ADRM1: variants seen among roughly 807,000 people sequenced by gnomAD.
ADRM1 encodes proteasomal ubiquitin receptor ADRM1.
In ADRM1, 2 loss-of-function variants were observed where a neutral mutation model predicts 40.1. That is an observed-to-expected ratio of 0.05 (90% CI 0.02 to 0.16). The LOEUF (loss-of-function observed/expected upper bound fraction) is 0.16, where lower values mean the gene tolerates loss of function less well. Ranked by LOEUF, ADRM1 falls within the 10% of genes least tolerant of loss-of-function variation. The probability of loss-of-function intolerance (pLI) is 1.00; values close to 1 mark genes in which losing one functional copy is unlikely to be tolerated. For missense variants in ADRM1, 467 were observed against 552.5 expected (o/e 0.85, Z 1.55); for synonymous variants, 287 against 240.4 (o/e 1.19, Z -1.79).
At chr20:62,304,948 G>A (rs536037264) in intron 3 of ADRM1, among the ~76,000 whole-genome samples, 97 of 152,332 alleles carry the variant, frequency 6.4e-4, no homozygotes, top group Non-Finnish European at 9.1e-4. Context: ...TCACAGAAAC[G>A]AAGCATCCTG....
intron 7 of ADRM1, 73 bp from the exon 8 acceptor site, chr20:62,307,948 G>GT (rs1985376857): frequency 2.2e-5 from 35 of 1,563,744 alleles, no homozygotes; most frequent in Non-Finnish European, 2.9e-5. Flanking sequence ...CATGGGCTGA[G>GT]TCCCTGCTTG....
chr20:62,303,059 T>A lies in ADRM1; in HGVS notation c.-2+10T>A, dbSNP rs1984333225. On this transcript the variant is annotated intron_variant, in intron 1 of 9. Coordinates refer to ENST00000253003, the MANE Select transcript of ADRM1 (RefSeq NM_007002.4). The stretch of plus-strand genomic sequence containing the variant: ...TGTGGGCGCGAGGCAGGTGCGGGAG[T>A]CGCCGGGCCTGGGGCGGCCGGGGGC... 6.8e-6 allele frequency: 1 copy of A among 147,708 alleles called. No individual in the cohort carries two copies. The highest frequency in any genetic ancestry group is 2.5e-5 in the African/African-American group (1 of 39,428). 9.1% of individuals were successfully genotyped at this position (147,708 alleles called of 1,614,324 possible). A position where few individuals can be genotyped will look rare whatever the true frequency, so the allele number is the denominator to read the frequency against.
Position 62,308,372 on chromosome 20 carries a change from T to TG in ADRM1, c.1022dup (p.Met342HisfsTer?). 6.2e-7 allele frequency: 1 copy of TG among 1,601,344 alleles called. No homozygotes were observed. The highest frequency in any genetic ancestry group is 8.5e-7 in the Non-Finnish European group (1 of 1,175,616). On this transcript the variant is annotated frameshift_variant, in exon 9 of 10. Transcript: ENST00000253003. LOFTEE classifies it high-confidence loss of function. ...CTCGCCTGGCTCTTCTTGCAGGCCC[T>TG]GGGCATGTTCAGCGCAGCCTTGGCC...
In ADRM1 at chr20:62,303,667, G is replaced by A. The variant is rs144780505; in HGVS notation, c.99G>A (p.Leu33=). 5.6e-6 allele frequency: 9 copies of A among 1,612,232 alleles called. No individual in the cohort carries two copies. The highest frequency in any genetic ancestry group is 7.6e-6 in the Non-Finnish European group (9 of 1,179,990). Residue 33 remains leucine (L), a synonymous_variant, in exon 2 of 10, where the codon CTG becomes CTA. Transcript: ENST00000253003. ...AGTTTCGGGCGGGAAAGATGTCCCT[G>A]AAGGGGACCACCGTGACTCCGGATA... is the stretch of plus-strand genomic sequence containing the variant. ...LVEFRAGKMS[L]KGTTVTPDKR...
chr20:62,308,705 A>AAAG lies in ADRM1; in HGVS notation c.1170_1172dup (p.Glu391dup), dbSNP rs1482409538. ...GCAGAACAACGCCAAGCCCGAGCAGAAAGAGGGCGACACGAAGGACAAGAA... is the reference window on the plus strand; with the variant it reads ...GCAGAACAACGCCAAGCCCGAGCAGAAAGAAGAGGGCGACACGAAGGACAAGAA... On this transcript the variant is annotated inframe_insertion, in exon 10 of 10. Coordinates refer to ENST00000253003, the MANE Select transcript of ADRM1 (RefSeq NM_007002.4). 3 of 1,611,224 alleles carry AAAG rather than the reference A, an allele frequency of 1.9e-6. No homozygotes were observed. In the Admixed American group the frequency reaches 5.0e-5, roughly 27 times the overall value.
At position 62,308,728 on chromosome 20, in the gene ADRM1, GAAGGACGAA is replaced by G. The variant is rs1568879825; in HGVS notation, c.1192_1200del (p.Lys398_Glu400del). On this transcript the variant is annotated inframe_deletion, in exon 10 of 10. Coordinates refer to ENST00000253003, the MANE Select transcript of ADRM1 (RefSeq NM_007002.4). Reference sequence around the variant, plus strand: ...AGAAAGAGGGCGACACGAAGGACAAGAAGGACGAAGAGGAGGACATGAGCCTGGACTGAG... The same window carrying G: ...AGAAAGAGGGCGACACGAAGGACAAGGAGGAGGACATGAGCCTGGACTGAG... The G allele has an allele frequency of 6.2e-7, 1 of 1,613,080 alleles. No individual in the cohort carries two copies. Among genetic ancestry groups the G allele is most frequent in the South Asian group, 1.1e-5 (1 of 91,084 alleles).
At chr20:62,306,160 C>T (rs776490203) in intron 3 of ADRM1, 37 bp from the exon 4 acceptor site, 13 of 1,590,076 alleles carry the variant, frequency 8.2e-6, no homozygotes, top group East Asian at 4.5e-5. Flanking sequence ...GGTGAGCTGG[C>T]GCCAGCTCCT....
chr20:62,303,332 C>T, intron 1 of ADRM1: 1 of 375,462 alleles, frequency 2.7e-6, no homozygotes, highest in Non-Finnish European at 4.8e-6. Flanking sequence ...GAGACGGCGT[C>T]AAGCCTAGGG....
In ADRM1 at chr20:62,307,641, T is replaced by A; in HGVS notation, c.669T>A (p.Ser223=). The change falls in exon 7 of 10, where the codon TCT becomes TCA. Residue 223 remains serine (S), a synonymous_variant. Coordinates refer to ENST00000253003, the MANE Select transcript of ADRM1 (RefSeq NM_007002.4). ...SAAVTPSSTT[S]STRATPAPSA... is the part of the protein sequence containing the mutation. ...CGGTCACCCCGTCATCCACCACCTC[T>A]TCCACCCGTGCCACCCCAGCCCCTT... The A allele has an allele frequency of 6.2e-7, 1 of 1,612,054 alleles. No individual in the cohort carries two copies.
Position 62,308,457 on chromosome 20 carries a change from C to T in ADRM1, c.1104C>T (p.Ala368=), listed in dbSNP as rs1033632690. 41 of 1,606,386 alleles carry T rather than the reference C, an allele frequency of 2.6e-5. No individual in the cohort carries two copies. The highest frequency in any genetic ancestry group is 9.3e-5 in the African/African-American group (7 of 74,898). The change falls in exon 9 of 10, where the codon GCC becomes GCT. Residue 368 remains alanine, a synonymous_variant. Coordinates refer to ENST00000253003, the MANE Select transcript of ADRM1 (RefSeq NM_007002.4). ...GTCTGCCTGCAGAGGCTGTGGAGGC[C>T]GCCAACAAGGGCGGTAAGTGGCTGC... The part of the protein sequence containing the change: ...QFGLPAEAVE[A]ANKGDVEAFA...
At chr20:62,307,508 G>A (rs997222591) in intron 6 of ADRM1, 56 bp downstream of exon 6, 3 of 1,599,486 alleles carry the variant, frequency 1.9e-6, no homozygotes, top group African/African-American at 2.7e-5. Flanking sequence ...AGGGGCAGTG[G>A]GGAATCCTGG....
At chr20:62,306,479 C>T in intron 4 of ADRM1, 159 bp downstream of exon 4, 1 of 1,341,538 alleles carries the variant, frequency 7.5e-7, no homozygotes, top group Non-Finnish European at 1.0e-6. Context: ...CCACTCCCAC[C>T]TTCACGGGGT....
At position 62,307,418 on chromosome 20, in the gene ADRM1, A is replaced by G. The variant is rs1200847177; in HGVS notation, c.589A>G (p.Ser197Gly). The change falls in exon 6 of 10, where the codon AGC (serine) becomes GGC (glycine). Residue 197 changes from serine to glycine, a missense_variant. By Grantham distance (56) the Ser-to-Gly change is moderately conservative (BLOSUM62 0). Transcript: ENST00000253003. ...TGPGLASLLGSSGPPGSSSSS... is the reference protein window; with the variant it reads ...TGPGLASLLGGSGPPGSSSSS... ...ACCTGGCCTGGCCAGCTTACTGGGG[A>G]GCAGTGGGCCTCCAGGGAGCAGCTC... is the stretch of plus-strand genomic sequence containing the variant. 1.2e-6 allele frequency: 2 copies of G among 1,606,624 alleles called. No homozygotes were observed. The highest frequency in any genetic ancestry group is 2.7e-5 in the African/African-American group (2 of 74,428).
At position 62,307,585 on chromosome 20, in the gene ADRM1, T is replaced by C; in HGVS notation, c.624-11T>C. The C allele has an allele frequency of 6.2e-7, 1 of 1,608,660 alleles. No individual in the cohort carries two copies. The highest frequency in any genetic ancestry group is 8.5e-7 in the Non-Finnish European group (1 of 1,178,844). On this transcript the variant is annotated splice_polypyrimidine_tract_variant and intron_variant, in intron 6 of 9. Coordinates refer to ENST00000253003, the MANE Select transcript of ADRM1 (RefSeq NM_007002.4). Reference sequence around the variant, plus strand: ...GCGTGTCCGCTCCAGCGGTGCCCTCTCTCTTCGCAGCTCCCGGAGCCAGTC... The same window carrying C: ...GCGTGTCCGCTCCAGCGGTGCCCTCCCTCTTCGCAGCTCCCGGAGCCAGTC...
intron 5 of ADRM1, 66 bp from the exon 6 acceptor site, chr20:62,307,305 G>A: frequency 6.8e-7 from 1 of 1,462,718 alleles, no homozygotes; most frequent in Non-Finnish European, 9.2e-7. Flanking sequence ...CTGGCCTGGG[G>A]AGGGGCCAGG....
intron 1 of ADRM1, chr20:62,303,362 CG>C (rs1182421619): frequency 7.8e-6 from 4 of 512,330 alleles, no homozygotes; most frequent in Non-Finnish European, 1.4e-5. Flanking sequence ...CTAGGCTTGG[CG>C]GGGCTGCCCC....
In ADRM1 at chr20:62,303,294, G is replaced by C. The variant is rs1168210742; in HGVS notation, c.-2+245G>C. ...TCTGCCCCGCGGAGCGGGTCGCCGG[G>C]GTGGCGCGTCGAGGCTGGTGCCCCG... On this transcript the variant is annotated intron_variant, in intron 1 of 9. Coordinates refer to ENST00000253003, the MANE Select transcript of ADRM1 (RefSeq NM_007002.4). 1.0e-5 allele frequency: 3 copies of C among 296,572 alleles called. No homozygotes were observed. The Admixed American group carries it at 1.6e-4, about 15-fold the overall frequency. 18.4% of individuals were successfully genotyped at this position (296,572 alleles called of 1,614,324 possible).
At chr20:62,304,656 T>C in intron 3 of ADRM1, 79 bp downstream of exon 3, 1 of 1,435,850 alleles carries the variant, frequency 7.0e-7, no homozygotes, top group South Asian at 1.1e-5. Context: ...GTGGTGCAAT[T>C]GGCTTTTATA....
In ADRM1 at chr20:62,308,073, C is replaced by G; in HGVS notation, c.909C>G (p.Asn303Lys). ...AGATAATGGCTCCCATCCTCGCCAA[C>G]GCGGATGTCCAGGAGCGCCTGCTTC... The part of the protein sequence containing the change: ...TPEIMAPILA[N>K]ADVQERLLPY... Residue 303 changes from asparagine to lysine, a missense_variant, in exon 8 of 10, where the codon AAC becomes AAG. By Grantham distance (94) the Asn-to-Lys change is moderately conservative. Around this residue, in one of 3 missense-constraint regions of ADRM1, gnomAD observed 418 missense variants for 474.6 expected, o/e 0.88. Transcript: ENST00000253003. 6.2e-7 allele frequency: 1 copy of G among 1,611,672 alleles called. No individual in the cohort carries two copies. The highest frequency in any genetic ancestry group is 8.5e-7 in the Non-Finnish European group (1 of 1,179,738).
Sources: allele counts gnomAD v4.1 joint callset (sites outside exome capture counted in the v4.1 genomes callset), GRCh38; gene constraint gnomAD v4.1.1; regional missense constraint gnomAD v4.1.1; transcripts MANE v1.5; gene names NCBI Gene and HGNC (gene_info 2026-07-23, HGNC 2026-07-21).